GLI3: variants seen among roughly 807,000 people sequenced by gnomAD.
GLI3 encodes the protein transcription activator GLI3.
In GLI3, 20 loss-of-function variants were observed where a neutral mutation model predicts 100.8. That is an observed-to-expected ratio of 0.20 (90% CI 0.14 to 0.29). The LOEUF (loss-of-function observed/expected upper bound fraction) is 0.29, where lower values mean the gene tolerates loss of function less well. GLI3 is among the 10% of genes least tolerant of loss of function. The probability of loss-of-function intolerance (pLI) is 1.00; values close to 1 mark genes in which losing one functional copy is unlikely to be tolerated. For synonymous variants in GLI3, 938 were observed against 860.5 expected (o/e 1.09, Z -1.58); for missense variants, 2,040 against 2,128.5 (o/e 0.96, Z 0.82).
chr7:42,022,080 C>T (rs1007555723), intron 10 of GLI3, among the ~76,000 whole-genome samples: 2 of 152,078 alleles, frequency 1.3e-5, no homozygotes, highest in African/African-American at 4.8e-5. Flanking sequence ...TGGAAATATA[C>T]CTTAATTAAA....
chr7:42,162,622 CTG>C (rs1273989102), intron 2 of GLI3, among the ~76,000 whole-genome samples: 1 of 152,212 alleles, frequency 6.6e-6, no homozygotes, highest in Non-Finnish European at 1.5e-5. Context: ...ATAATCAAGG[CTG>C]TGTTACTGTG....
chr7:42,234,294 A>G (rs1788747505), intron 1 of GLI3, among the ~76,000 whole-genome samples: 1 of 152,124 alleles, frequency 6.6e-6, no homozygotes. Context: ...ATGGAGGGGG[A>G]GAAGAGGTCT....
At chr7:42,036,234 C>T (rs937197408) in intron 7 of GLI3, among the ~76,000 whole-genome samples, 11 of 152,118 alleles carry the variant, frequency 7.2e-5, no homozygotes, top group African/African-American at 2.7e-4. Flanking sequence ...CAATCTCTGG[C>T]CATGTAATAA....
intron 10 of GLI3, among the ~76,000 whole-genome samples, chr7:41,982,153 G>A (rs1787687330): frequency 6.6e-6 from 1 of 152,114 alleles, no homozygotes; most frequent in South Asian, 2.1e-4. Flanking sequence ...CTTGCATTGA[G>A]ACCACAGTTA....
At chr7:42,091,908 G>T (rs1331074880) in intron 3 of GLI3, among the ~76,000 whole-genome samples, 1 of 152,160 alleles carries the variant, frequency 6.6e-6, no homozygotes, top group African/African-American at 2.4e-5. Flanking sequence ...ACCTTCTACC[G>T]CAGAGTCAAA....
At chr7:42,135,741 C>G (rs1786412860) in intron 3 of GLI3, among the ~76,000 whole-genome samples, 1 of 152,204 alleles carries the variant, frequency 6.6e-6, no homozygotes, top group Non-Finnish European at 1.5e-5. Context: ...ATTCCTCCAA[C>G]CTCTTCATCA....
At chr7:42,079,095 C>T (rs1232281117) in intron 3 of GLI3, among the ~76,000 whole-genome samples, 1 of 152,128 alleles carries the variant, frequency 6.6e-6, no homozygotes, top group African/African-American at 2.4e-5. Context: ...AAGTTTACCA[C>T]TTAGTACTTA....
At chr7:42,067,709 G>A (rs887085420) in intron 4 of GLI3, among the ~76,000 whole-genome samples, 18 of 152,020 alleles carry the variant, frequency 1.2e-4, no homozygotes, top group African/African-American at 4.3e-4. Flanking sequence ...TATGCACAGG[G>A]CTCCTTAGGA....
At chr7:42,120,331 G>A (rs1785965470) in intron 3 of GLI3, among the ~76,000 whole-genome samples, 1 of 152,158 alleles carries the variant, frequency 6.6e-6, no homozygotes, top group Non-Finnish European at 1.5e-5. Flanking sequence ...ATTTCCTTAT[G>A]CCTTTTGGGA....
At chr7:42,196,963 G>C (rs1201207645) in intron 2 of GLI3, among the ~76,000 whole-genome samples, 3 of 152,176 alleles carry the variant, frequency 2.0e-5, no homozygotes, top group Non-Finnish European at 4.4e-5. Flanking sequence ...TATACATCAT[G>C]TGCTTCATTT....
At chr7:42,144,966 G>A (rs965946312) in intron 3 of GLI3, among the ~76,000 whole-genome samples, 4 of 152,178 alleles carry the variant, frequency 2.6e-5, no homozygotes, top group East Asian at 1.9e-4. Flanking sequence ...TCTGCAATGC[G>A]CTTGTATTGT....
At chr7:42,125,794 G>A (rs138190292) in intron 3 of GLI3, among the ~76,000 whole-genome samples, 131 of 152,234 alleles carry the variant, frequency 8.6e-4, no homozygotes, top group African/African-American at 2.8e-3. Flanking sequence ...CGGCATTTAC[G>A]TGCAAACTCT....
intron 1 of GLI3, among the ~76,000 whole-genome samples, chr7:42,245,605 C>T (rs1245295465): frequency 3.9e-5 from 6 of 151,980 alleles, no homozygotes; most frequent in African/African-American, 1.4e-4. Context: ...TGCTTGAACC[C>T]GGGAGATGGA....
chr7:42,076,090 G>A (rs962320958), intron 4 of GLI3, among the ~76,000 whole-genome samples: 101 of 152,152 alleles, frequency 6.6e-4, no homozygotes, highest in African/African-American at 2.4e-3. Context: ...CAGTTTCCTG[G>A]ACAGTACTAC....
Position 41,965,943 on chromosome 7 carries a change from G to A in GLI3, c.3130C>T (p.Leu1044Phe). 1 of 1,612,518 alleles carries A rather than the reference G, an allele frequency of 6.2e-7. No individual in the cohort carries two copies. The highest frequency in any genetic ancestry group is 8.5e-7 in the Non-Finnish European group (1 of 1,179,852). ...GGCCGCGTGTAATTCTGAAGCACGAGACTGCGCTTCTCCGCGGACGTGGCC... is the reference window on the plus strand; with the variant it reads ...GGCCGCGTGTAATTCTGAAGCACGAAACTGCGCTTCTCCGCGGACGTGGCC... ...AMATSAEKRSLVLQNYTRPEG... is the reference protein window; with the variant it reads ...AMATSAEKRSFVLQNYTRPEG... The change falls in exon 15 of 15, where the codon CTC (leucine) becomes TTC (phenylalanine). Residue 1044 changes from leucine to phenylalanine, a missense_variant. Leu to Phe is a conservative substitution (Grantham distance 22, BLOSUM62 0). Coordinates refer to ENST00000395925, the MANE Select transcript of GLI3 (RefSeq NM_000168.6).
At chr7:42,022,470 G>A (rs987661792) in intron 10 of GLI3, among the ~76,000 whole-genome samples, 2 of 152,066 alleles carry the variant, frequency 1.3e-5, no homozygotes, top group South Asian at 2.1e-4. Context: ...AATGTACCAC[G>A]AAAGAGAAAG....
chr7:42,039,664 A>G (rs867545786), intron 7 of GLI3, among the ~76,000 whole-genome samples: 1 of 152,108 alleles, frequency 6.6e-6, no homozygotes, highest in African/African-American at 2.4e-5. Flanking sequence ...ATTTTTGTTC[A>G]TGTTCTGTAC....
At chr7:42,040,354 G>A in intron 6 of GLI3, 115 bp from the exon 7 acceptor site, 2 of 765,036 alleles carry the variant, frequency 2.6e-6, no homozygotes, top group South Asian at 1.5e-5. Context: ...AACTTGCGGT[G>A]ACAAGCACCT....
chr7:42,026,345 G>A lies in GLI3; in HGVS notation c.1096C>T (p.Arg366Ter), dbSNP rs1583805203. The A allele has an allele frequency of 6.2e-7, 1 of 1,614,114 alleles. No homozygotes were observed. Among genetic ancestry groups the A allele is most frequent in the Non-Finnish European group, 8.5e-7 (1 of 1,179,988 alleles). ...AAGGCTGAACCTAAGCTCTGTTGTCGGCTTAGGATCTGCTGATGCATGTGG... is the reference window on the plus strand; with the variant it reads ...AAGGCTGAACCTAAGCTCTGTTGTCAGCTTAGGATCTGCTGATGCATGTGG... ...SLHMHQQILSRQQSLGSAFGH... is the reference protein window; with the variant it reads ...SLHMHQQILS The change falls in exon 8 of 15, where the codon CGA (arginine) becomes TGA (stop). Residue 366 changes from arginine to a stop codon, truncating the protein, a stop_gained. Coordinates refer to ENST00000395925, the MANE Select transcript of GLI3 (RefSeq NM_000168.6). LOFTEE classifies it high-confidence loss of function.
Sources: allele counts gnomAD v4.1 joint callset (sites outside exome capture counted in the v4.1 genomes callset), GRCh38; gene constraint gnomAD v4.1.1; transcripts MANE v1.5; gene names NCBI Gene and HGNC (gene_info 2026-07-23, HGNC 2026-07-21).